The following ALK variants were observed in gnomAD, a reference collection of about 807,000 sequenced individuals.
The protein encoded by ALK is ALK receptor tyrosine kinase, also known as ALK tyrosine kinase receptor.
A neutral mutation model predicts 163.1 loss-of-function variants in ALK; 74 were observed. That is an observed-to-expected ratio of 0.45 (90% CI 0.38 to 0.55). The LOEUF (loss-of-function observed/expected upper bound fraction) is 0.55. ALK is among the 20% of genes least tolerant of loss of function. The pLI, the probability that ALK is intolerant of heterozygous loss-of-function variation, is 0.00. For synonymous variants in ALK, 960 were observed against 843.2 expected (o/e 1.14, Z -2.40); for missense variants, 2,063 against 2,105.3 (o/e 0.98, Z 0.39).
intron 5 of ALK, among the ~76,000 whole-genome samples, chr2:29,332,149 G>A (rs1382377152): frequency 1.3e-5 from 2 of 151,648 alleles, no homozygotes; most frequent in Non-Finnish European, 1.5e-5. Context: ...AGCCGGGTGT[G>A]ATGGCACGTG....
intron 5 of ALK, among the ~76,000 whole-genome samples, chr2:29,335,833 A>T (rs1247026276): frequency 2.0e-5 from 3 of 152,118 alleles, no homozygotes; most frequent in African/African-American, 7.2e-5. Flanking sequence ...TGTGGTCAGG[A>T]GTTCAAGACC....
At chr2:29,288,960 AAATAAATAAATAAAT>A in intron 9 of ALK, among the ~76,000 whole-genome samples, 1 of 12,600 alleles carries the variant, frequency 7.9e-5, no homozygotes, top group African/African-American at 1.1e-4. Flanking sequence ...TCAAAAAAAT[AAATAAATAAATAAAT>A]AAATAAATAA....
Position 29,320,902 on chromosome 2 carries a change from G to T in ALK, c.1415-20C>A. Reference sequence around the variant, plus strand: ...GTTTCCCTATGGAGAGAGCAGAGAGGCACCATCATTTTCAGGACCACTAAA... The same window carrying T: ...GTTTCCCTATGGAGAGAGCAGAGAGTCACCATCATTTTCAGGACCACTAAA... On this transcript the variant is annotated intron_variant, in intron 6 of 28. Transcript: ENST00000389048. 6.2e-7 allele frequency: 1 copy of T among 1,614,096 alleles called. No individual in the cohort carries two copies. The highest frequency in any genetic ancestry group is 8.5e-7 in the Non-Finnish European group (1 of 1,179,988).
chr2:29,920,741 C>T lies in ALK; in HGVS notation c.-82G>A, dbSNP rs1017115065. ...CCCCGAGATGGGAAGAGGCTCTGAA[C>T]AGTCCTTGGTACCCAGCGGCTCCTT... is the stretch of plus-strand genomic sequence containing the variant. On this transcript the variant is annotated 5_prime_UTR_variant, in exon 1 of 29. Coordinates refer to ENST00000389048, the MANE Select transcript of ALK (RefSeq NM_004304.5). The T allele has an allele frequency of 2.3e-6, 3 of 1,290,880 alleles. No individual in the cohort carries two copies. Among genetic ancestry groups the T allele is most frequent in the Non-Finnish European group, 3.2e-6 (3 of 928,924 alleles). The allele number at this position is 1,290,880 out of a possible 1,614,324, so 80.0% of individuals were successfully genotyped here.
rs770242459 is a variant in ALK, at chr2:29,197,666, C to G, written c.3949G>C (p.Val1317Leu). Residue 1317 changes from valine (V) to leucine (L), a missense_variant, in exon 27 of 29, where the codon GTG becomes CTG. Val to Leu is a conservative substitution (Grantham distance 32). Around this residue, in one of 5 missense-constraint regions of ALK, gnomAD observed 83 missense variants for 139.7 expected, o/e 0.59. Coordinates refer to ENST00000389048, the MANE Select transcript of ALK (RefSeq NM_004304.5). ...AGAGAAAAGATTTCCCATAGCAGCA[C>G]TCCAAAGGACCTGGGCATGGGACAG... ...TSKTDTWSFG[V>L]LLWEIFSLGY... 1 of 1,613,940 alleles carries G rather than the reference C, an allele frequency of 6.2e-7. No homozygotes were observed. Among genetic ancestry groups the G allele is most frequent in the Non-Finnish European group, 8.5e-7 (1 of 1,179,958 alleles).
chr2:29,561,257 C>A lies in ALK; in HGVS notation c.953-29141G>T, dbSNP rs140863804. Among the ~76,000 whole-genome samples the A allele has an allele frequency of 2.1e-3, 322 of 152,266 alleles. 2 individuals are homozygous for A. The highest frequency in any genetic ancestry group is 7.3e-3 in the African/African-American group (303 of 41,550). On this transcript the variant is annotated intron_variant, in intron 3 of 28. Coordinates refer to ENST00000389048, the MANE Select transcript of ALK (RefSeq NM_004304.5). ...CGATAGCTGTTAAACAATCCCCATG[C>A]CTCCATTCCATTCCAGAGATTGTGC... is the stretch of plus-strand genomic sequence containing the variant.
chr2:29,671,279 A>T (rs1368362775), intron 3 of ALK, among the ~76,000 whole-genome samples: 1 of 152,072 alleles, frequency 6.6e-6, no homozygotes, highest in Non-Finnish European at 1.5e-5. Context: ...GGAGGTCTCA[A>T]AGAGATTACC....
intron 3 of ALK, among the ~76,000 whole-genome samples, chr2:29,623,868 G>A (rs1371430692): frequency 6.6e-6 from 1 of 152,168 alleles, no homozygotes; most frequent in African/African-American, 2.4e-5. Flanking sequence ...TAATATAGAA[G>A]TCTTTCTTCA....
chr2:29,636,214 A>G (rs1676522644), intron 3 of ALK, among the ~76,000 whole-genome samples: 2 of 152,208 alleles, frequency 1.3e-5, no homozygotes, highest in Non-Finnish European at 2.9e-5. Context: ...AAACAGACAC[A>G]TACAAATATG....
intron 1 of ALK, among the ~76,000 whole-genome samples, chr2:29,812,550 T>TA (rs1183291633): frequency 2.0e-5 from 3 of 152,164 alleles, no homozygotes; most frequent in Non-Finnish European, 4.4e-5. Context: ...TTCATACATA[T>TA]AAAAAATTCC....
intron 3 of ALK, among the ~76,000 whole-genome samples, chr2:29,666,282 G>A (rs990947013): frequency 1.3e-5 from 2 of 151,770 alleles, no homozygotes; most frequent in East Asian, 3.9e-4. Context: ...ATATTAACAG[G>A]GATTGAATTA....
chr2:29,566,289 G>A (rs954007599), intron 3 of ALK, among the ~76,000 whole-genome samples: 5 of 152,194 alleles, frequency 3.3e-5, no homozygotes, highest in African/African-American at 7.2e-5. Context: ...GGTTTACACC[G>A]AGTTTGCCAG....
chr2:29,786,450 T>C (rs1171916588), intron 1 of ALK, among the ~76,000 whole-genome samples: 1 of 152,192 alleles, frequency 6.6e-6, no homozygotes, highest in Non-Finnish European at 1.5e-5. Flanking sequence ...TAACTTCTCC[T>C]AGAAAGGAAA....
intron 8 of ALK, among the ~76,000 whole-genome samples, chr2:29,307,504 C>A (rs1487302851): frequency 2.0e-5 from 3 of 152,164 alleles, no homozygotes; most frequent in Non-Finnish European, 4.4e-5. Context: ...GAATTGTCAT[C>A]AGGAACATCT....
At chr2:29,702,590 T>C (rs1252476654) in intron 2 of ALK, among the ~76,000 whole-genome samples, 1 of 152,210 alleles carries the variant, frequency 6.6e-6, no homozygotes, top group Non-Finnish European at 1.5e-5. Context: ...TTCTTGATTG[T>C]ATTAGTCTGT....
At chr2:29,249,555 C>T (rs1664764487) in intron 12 of ALK, among the ~76,000 whole-genome samples, 1 of 152,124 alleles carries the variant, frequency 6.6e-6, no homozygotes, top group Admixed American at 6.5e-5. Context: ...AGCCAGAGCA[C>T]CCTGGGTTTG....
chr2:29,670,038 T>C (rs1677634566), intron 3 of ALK, among the ~76,000 whole-genome samples: 1 of 152,128 alleles, frequency 6.6e-6, no homozygotes, highest in Non-Finnish European at 1.5e-5. Flanking sequence ...ATTAGAGTTA[T>C]AAGTGAATTG....
intron 1 of ALK, among the ~76,000 whole-genome samples, chr2:29,852,633 T>C (rs2148401726): frequency 6.6e-6 from 1 of 152,318 alleles, no homozygotes; most frequent in South Asian, 2.1e-4. Context: ...CTACTCCTGA[T>C]GGTACACAAT....
intron 3 of ALK, among the ~76,000 whole-genome samples, chr2:29,635,889 C>T (rs1080931): frequency 0.055 from 8,329 of 152,054 alleles, 326 homozygotes; most frequent in Admixed American, 0.1. Context: ...CCTCGACCTC[C>T]GAAAGTGCTG....
Sources: allele counts gnomAD v4.1 joint callset (sites outside exome capture counted in the v4.1 genomes callset), GRCh38; gene constraint gnomAD v4.1.1; regional missense constraint gnomAD v4.1.1; transcripts MANE v1.5; gene names NCBI Gene and HGNC (gene_info 2026-07-23, HGNC 2026-07-21).